Variants in BCO1 observed in about 807,000 individuals in gnomAD.
The protein encoded by BCO1 is beta,beta-carotene 15,15'-dioxygenase.
In BCO1, 54 loss-of-function variants were observed where a neutral mutation model predicts 56.3. The ratio of observed to expected loss-of-function variants is 0.96; its 90% CI spans 0.77 to 1.20. The LOEUF (loss-of-function observed/expected upper bound fraction) is 1.20, where lower values mean the gene tolerates loss of function less well. Among genes scored for constraint, BCO1 ranks in the 50% most tolerant of loss-of-function variants. BCO1 has a pLI of 0.00. For missense variants in BCO1, 801 were observed against 690.9 expected, an observed-to-expected ratio of 1.16 and a Z score of -1.79; for synonymous variants, 318 against 266.1, an observed-to-expected ratio of 1.20 and a Z score of -1.90.
chr16:81,285,645 C>G lies in BCO1; in HGVS notation c.1302+11C>G, dbSNP rs1233871322. On this transcript the variant is annotated intron_variant, in intron 9 of 10. Coordinates refer to ENST00000258168, the MANE Select transcript of BCO1 (RefSeq NM_017429.3). ...CCAATCCCAACCAAGGTACTGGTCT[C>G]TGTGTATTCACAAGCCTTTCCTACA... The G allele has an allele frequency of 1.1e-5, 17 of 1,566,220 alleles. No homozygotes were observed. The highest frequency in any genetic ancestry group is 1.7e-5 in the Admixed American group (1 of 59,936).
intron 1 of BCO1, among the ~76,000 whole-genome samples, chr16:81,244,277 C>T (rs1398929469): frequency 6.6e-6 from 1 of 152,198 alleles, no homozygotes; most frequent in Non-Finnish European, 1.5e-5. Context: ...GAACCTATGC[C>T]ACACGTGCAC....
At chr16:81,243,439 C>T (rs1022869590) in intron 1 of BCO1, among the ~76,000 whole-genome samples, 3 of 144,572 alleles carry the variant, frequency 2.1e-5, no homozygotes, top group Admixed American at 6.9e-5. Context: ...ACAGCTTGCC[C>T]GTCTCCTGGT....
chr16:81,241,637 A>T (rs1228210054), intron 1 of BCO1, among the ~76,000 whole-genome samples: 1 of 152,192 alleles, frequency 6.6e-6, no homozygotes, highest in African/African-American at 2.4e-5. Flanking sequence ...TTCCAAAGGT[A>T]AGAACCATTC....
Position 81,280,926 on chromosome 16 carries a change from G to A in BCO1, c.1171G>A (p.Gly391Ser). The A allele has an allele frequency of 1.9e-6, 3 of 1,614,006 alleles. No individual in the cohort carries two copies. Among genetic ancestry groups the A allele is most frequent in the Non-Finnish European group, 2.5e-6 (3 of 1,179,924 alleles). Residue 391 changes from glycine (G) to serine (S), a missense_variant, in exon 8 of 11, where the codon GGC becomes AGC. Physicochemically the swap from Gly to Ser is moderately conservative, Grantham distance 56. Coordinates refer to ENST00000258168, the MANE Select transcript of BCO1 (RefSeq NM_017429.3). The stretch of plus-strand genomic sequence containing the variant: ...AGCCACGGCCCTGAAGGAAGAAGAT[G>A]GCCAAGTCTACTGCCAGCCGGAATT... ...TTATALKEED[G>S]QVYCQPEFLY...
chr16:81,283,570 G>A (rs892506843), intron 8 of BCO1, among the ~76,000 whole-genome samples: 2 of 152,076 alleles, frequency 1.3e-5, no homozygotes, highest in African/African-American at 2.4e-5. Flanking sequence ...TTGAGGTCAA[G>A]GGCAGGCACC....
chr16:81,260,570 G>T (rs576758574), intron 3 of BCO1, among the ~76,000 whole-genome samples: 2 of 152,050 alleles, frequency 1.3e-5, no homozygotes, highest in East Asian at 3.9e-4. Context: ...GTGCAATGGC[G>T]CAATCTCAGT....
chr16:81,273,258 C>T (rs12924058), intron 7 of BCO1, among the ~76,000 whole-genome samples: 59,521 of 151,888 alleles, frequency 0.39, 12,304 homozygotes, highest in Middle Eastern at 0.49. Context: ...GCTGAGATTA[C>T]AGGCATGAGC....
At chr16:81,283,713 G>A (rs528757766) in intron 8 of BCO1, among the ~76,000 whole-genome samples, 3 of 151,414 alleles carry the variant, frequency 2.0e-5, no homozygotes, top group Admixed American at 6.6e-5. Flanking sequence ...TCCCCTTCCC[G>A]CCCCACTGAG....
chr16:81,247,320 T>C (rs369587596), intron 2 of BCO1, among the ~76,000 whole-genome samples: 2 of 152,042 alleles, frequency 1.3e-5, no homozygotes, highest in Non-Finnish European at 2.9e-5. Context: ...ATTGGAAGTA[T>C]TGGACGTTCT....
At chr16:81,270,682 C>CTGTG (rs1297826513) in intron 7 of BCO1, among the ~76,000 whole-genome samples, 1 of 80,838 alleles carries the variant, frequency 1.2e-5, no homozygotes, top group African/African-American at 4.2e-5. Flanking sequence ...CCCAGTCTCT[C>CTGTG]TCTCTGTGTC....
chr16:81,250,515 T>A (rs1429020488), intron 2 of BCO1, among the ~76,000 whole-genome samples: 4 of 150,620 alleles, frequency 2.7e-5, no homozygotes, highest in African/African-American at 7.3e-5. Flanking sequence ...GGGTCCCTGA[T>A]AAGCTGAAAA....
At chr16:81,284,802 TC>T (rs1908079489) in intron 8 of BCO1, among the ~76,000 whole-genome samples, 1 of 150,376 alleles carries the variant, frequency 6.6e-6, no homozygotes, top group Admixed American at 6.7e-5. Flanking sequence ...CTATTTCTTT[TC>T]TTTTTGTTTT....
At position 81,264,741 on chromosome 16, in the gene BCO1, G is replaced by C. The variant is rs1427194741; in HGVS notation, c.573G>C (p.Lys191Asn). 1.2e-6 allele frequency: 2 copies of C among 1,614,180 alleles called. No homozygotes were observed. Among genetic ancestry groups the C allele is most frequent in the South Asian group, 1.1e-5 (1 of 91,078 alleles). Residue 191 changes from lysine to asparagine, a missense_variant, in exon 5 of 11, where the codon AAG becomes AAC. By Grantham distance (94) the Lys-to-Asn change is moderately conservative (BLOSUM62 0). Coordinates refer to ENST00000258168, the MANE Select transcript of BCO1 (RefSeq NM_017429.3). ...ACATGGGCACATCCATTGTGGAAAA[G>C]GGGAAGACAAAGTATGTGATTTTTA... Reference protein sequence around the residue: ...VLNMGTSIVEKGKTKYVIFKI... With the variant: ...VLNMGTSIVENGKTKYVIFKI...
intron 2 of BCO1, among the ~76,000 whole-genome samples, chr16:81,254,628 T>A (rs921016766): frequency 2.0e-5 from 3 of 151,922 alleles, no homozygotes; most frequent in African/African-American, 7.2e-5. Context: ...CAGGTGGGAG[T>A]CATTGCCACT....
chr16:81,258,318 C>T (rs947961235), intron 2 of BCO1, among the ~76,000 whole-genome samples: 1 of 152,302 alleles, frequency 6.6e-6, no homozygotes, highest in Non-Finnish European at 1.5e-5. Context: ...TCTCAATGGA[C>T]TGGTCAAGAG....
chr16:81,248,003 A>G (rs1011362809), intron 2 of BCO1, among the ~76,000 whole-genome samples: 1 of 152,230 alleles, frequency 6.6e-6, no homozygotes, highest in African/African-American at 2.4e-5. Context: ...GGACATATCA[A>G]TAGCGTATCT....
At chr16:81,281,002 A>G (rs754515045) in intron 8 of BCO1, 40 bp downstream of exon 8, 88 of 1,447,106 alleles carry the variant, frequency 6.1e-5, no homozygotes, top group Non-Finnish European at 8.3e-5. Context: ...GGAAAGGGGC[A>G]GATTTTCACA....
chr16:81,245,007 C>T (rs1905316611), intron 1 of BCO1, among the ~76,000 whole-genome samples: 1 of 152,156 alleles, frequency 6.6e-6, no homozygotes, highest in Admixed American at 6.5e-5. Context: ...TCTCCTGCCT[C>T]AGCCTCCCGA....
intron 3 of BCO1, among the ~76,000 whole-genome samples, chr16:81,261,274 A>C (rs556870146): frequency 6.6e-6 from 1 of 152,268 alleles, no homozygotes; most frequent in Non-Finnish European, 1.5e-5. Context: ...CCGATACAGG[A>C]TTTGCCAATT....
Sources: allele counts gnomAD v4.1 joint callset (sites outside exome capture counted in the v4.1 genomes callset), GRCh38; gene constraint gnomAD v4.1.1; transcripts MANE v1.5; gene names NCBI Gene and HGNC (gene_info 2026-07-23, HGNC 2026-07-21).